SVEP1: variants seen among roughly 807,000 people sequenced by gnomAD.
The protein encoded by SVEP1 is sushi, von Willebrand factor type A, EGF and pentraxin domain containing 1, also known as sushi, von Willebrand factor type A, EGF and pentraxin domain-containing protein 1.
In SVEP1, 164 loss-of-function variants were observed where a neutral mutation model predicts 367.3. The ratio of observed to expected loss-of-function variants is 0.45; its 90% CI spans 0.39 to 0.51. The LOEUF (loss-of-function observed/expected upper bound fraction) is 0.51. Among genes scored for constraint, SVEP1 ranks in the 20% least tolerant of loss-of-function variants. The pLI, the probability that SVEP1 is intolerant of heterozygous loss-of-function variation, is 0.00. For synonymous variants in SVEP1, 1,666 were observed against 1,611.6 expected (o/e 1.03, Z -0.81); for missense variants, 4,117 against 4,425.3 (o/e 0.93, Z 1.98).
Position 110,406,487 on chromosome 9 carries a change from A to C in SVEP1, c.9113T>G (p.Leu3038Arg). The change falls in exon 38 of 48, where the codon CTC becomes CGC. Residue 3038 changes from leucine (L) to arginine (R), a missense_variant. Physicochemically the swap from Leu to Arg is moderately radical, Grantham distance 102. Coordinates refer to ENST00000374469, the MANE Select transcript of SVEP1 (RefSeq NM_153366.4). ...ARIQCFKGFK[L>R]LGLSEITCEA... ...ACAGGTGATTTCAGAAAGTCCTAGG[A>C]GCTTGAAGCCTTTGAAGCACTGAAT... 6.2e-7 allele frequency: 1 copy of C among 1,613,896 alleles called. No individual in the cohort carries two copies. Among genetic ancestry groups the C allele is most frequent in the Non-Finnish European group, 8.5e-7 (1 of 1,179,876 alleles).
rs146912064 is a variant in SVEP1, at chr9:110,477,628, G to A, written c.2488-1313C>T. On this transcript the variant is annotated intron_variant, in intron 13 of 47. Coordinates refer to ENST00000374469, the MANE Select transcript of SVEP1 (RefSeq NM_153366.4). ...AAATTGAACTCAGAAAAGAGCCTCCGTTCACACACTTCCATCCCCATGAGT... is the reference window on the plus strand; with the variant it reads ...AAATTGAACTCAGAAAAGAGCCTCCATTCACACACTTCCATCCCCATGAGT... Among the ~76,000 whole-genome samples the A allele has an allele frequency of 1.1e-3, 169 of 151,948 alleles. 2 individuals are homozygous for A. In the East Asian group the frequency reaches 0.025, roughly 23 times the overall value.
intron 26 of SVEP1, 98 bp downstream of exon 26, chr9:110,445,739 C>A: frequency 1.5e-6 from 2 of 1,362,896 alleles, no homozygotes; most frequent in Non-Finnish European, 2.1e-6. Flanking sequence ...TCTGGGAACA[C>A]CTGACCCTCT....
At chr9:110,413,666 A>G (rs1467774666) in intron 36 of SVEP1, among the ~76,000 whole-genome samples, 1 of 152,000 alleles carries the variant, frequency 6.6e-6, no homozygotes, top group Non-Finnish European at 1.5e-5. Context: ...ATAATGATGG[A>G]TTGATGACTT....
intron 40 of SVEP1, among the ~76,000 whole-genome samples, chr9:110,394,602 G>GA (rs1437051617): frequency 6.6e-6 from 1 of 151,838 alleles, no homozygotes. Flanking sequence ...TAACAACTTT[G>GA]AAAAAAAATT....
In SVEP1 at chr9:110,427,341, A is replaced by AT. The variant is rs1165171956; in HGVS notation, c.5975+249dup. On this transcript the variant is annotated intron_variant, in intron 36 of 47. Transcript: ENST00000374469. ...AAAAAAAAAAGTATAATATGAAGAT[A>AT]TTTTTTCACTGCATTGCCCAATGTC... Among the ~76,000 whole-genome samples the AT allele has an allele frequency of 2.0e-5, 3 of 149,156 alleles. No individual in the cohort carries two copies. In the East Asian group the frequency reaches 5.9e-4, roughly 29 times the overall value.
At chr9:110,387,501 T>A (rs768136355) in intron 41 of SVEP1, 43 bp from the exon 42 acceptor site, 1 of 1,516,802 alleles carries the variant, frequency 6.6e-7, no homozygotes. Context: ...GCTTCCCCAA[T>A]TCCTCTTTCC....
intron 1 of SVEP1, among the ~76,000 whole-genome samples, chr9:110,575,484 G>A (rs765673235): frequency 1.3e-5 from 2 of 151,690 alleles, no homozygotes; most frequent in East Asian, 1.9e-4. Flanking sequence ...TATTTAGAGC[G>A]GAGACCAGGT....
intron 14 of SVEP1, among the ~76,000 whole-genome samples, chr9:110,475,327 C>G (rs987188455): frequency 2.6e-5 from 4 of 152,156 alleles, no homozygotes; most frequent in Non-Finnish European, 5.9e-5. Context: ...TGAACTTATT[C>G]ATTTGATGCT....
chr9:110,394,334 C>T (rs1827722287), intron 40 of SVEP1, among the ~76,000 whole-genome samples: 1 of 152,098 alleles, frequency 6.6e-6, no homozygotes, highest in East Asian at 1.9e-4. Context: ...AGGACATCCA[C>T]ACCAAAAACC....
intron 1 of SVEP1, among the ~76,000 whole-genome samples, chr9:110,573,232 CAG>C (rs914051436): frequency 1.1e-4 from 17 of 151,798 alleles, no homozygotes; most frequent in Non-Finnish European, 1.6e-4. Flanking sequence ...CTGGGGCCAT[CAG>C]AGAGACCACT....
At chr9:110,566,279 G>A (rs1346074412) in intron 1 of SVEP1, among the ~76,000 whole-genome samples, 3 of 151,682 alleles carry the variant, frequency 2.0e-5, no homozygotes, top group Non-Finnish European at 4.4e-5. Flanking sequence ...TCGTGATAGT[G>A]CCACTGCATG....
intron 9 of SVEP1, among the ~76,000 whole-genome samples, chr9:110,487,768 A>G (rs4419883): frequency 0.6 from 91,934 of 151,960 alleles, 28,449 homozygotes; most frequent in Non-Finnish European, 0.67. Flanking sequence ...ATATATTATC[A>G]CAAATTAAAA....
chr9:110,389,437 A>G lies in SVEP1; in HGVS notation c.9886+87T>C, dbSNP rs1486328926. On this transcript the variant is annotated intron_variant, in intron 41 of 47. Transcript: ENST00000374469. ...GGAGTTGGCTTACATTTTAATTACA[A>G]AACTAACCTATAAAGAAAATGTAGC... 5 of 1,518,304 alleles carry G rather than the reference A, an allele frequency of 3.3e-6. No homozygotes were observed. In the East Asian group the frequency reaches 1.1e-4, roughly 34 times the overall value. 94.1% of individuals were successfully genotyped at this position (1,518,304 alleles called of 1,614,324 possible).
intron 17 of SVEP1, among the ~76,000 whole-genome samples, chr9:110,466,519 G>A (rs1418018367): frequency 2.0e-5 from 3 of 152,166 alleles, no homozygotes; most frequent in Non-Finnish European, 2.9e-5. Context: ...AGCACTTTGG[G>A]AGGCCGAGGC....
chr9:110,390,214 CTTGTA>C (rs1827620292), intron 40 of SVEP1, among the ~76,000 whole-genome samples: 1 of 55,154 alleles, frequency 1.8e-5, no homozygotes, highest in Non-Finnish European at 3.6e-5. Flanking sequence ...TATGTATATA[CTTGTA>C]TATATACTTA....
At chr9:110,571,404 C>A (rs1033628682) in intron 1 of SVEP1, among the ~76,000 whole-genome samples, 2 of 152,168 alleles carry the variant, frequency 1.3e-5, no homozygotes, top group South Asian at 4.1e-4. Flanking sequence ...TCCTTAAGAG[C>A]GTGACTGTCT....
chr9:110,511,756 G>T (rs1198789559), intron 5 of SVEP1, among the ~76,000 whole-genome samples: 1 of 151,776 alleles, frequency 6.6e-6, no homozygotes, highest in Non-Finnish European at 1.5e-5. Context: ...TAATAAATTG[G>T]TACCAACATA....
chr9:110,367,955 C>G (rs1827223445), intron 47 of SVEP1, among the ~76,000 whole-genome samples: 1 of 152,138 alleles, frequency 6.6e-6, no homozygotes, highest in African/African-American at 2.4e-5. Context: ...GTGGCATATG[C>G]CTGTAGTCCC....
chr9:110,494,711 C>A (rs1200383398), intron 8 of SVEP1, among the ~76,000 whole-genome samples: 1 of 152,080 alleles, frequency 6.6e-6, no homozygotes, highest in Non-Finnish European at 1.5e-5. Flanking sequence ...TTCTTTCTTA[C>A]CCTGCTTTGA....
Sources: gnomAD v4.1 joint callset for allele counts (sites outside exome capture counted in the v4.1 genomes callset) on GRCh38, gnomAD v4.1.1 for gene constraint, MANE v1.5 for transcripts, NCBI Gene and HGNC (gene_info 2026-07-23, HGNC 2026-07-21) for gene names.